Variants in SHANK2 observed in about 807,000 individuals in gnomAD.
The protein encoded by SHANK2 is SH3 and multiple ankyrin repeat domains 2.
A neutral mutation model predicts 133.7 loss-of-function variants in SHANK2; 43 were observed. That is an observed-to-expected ratio of 0.32 (90% CI 0.25 to 0.41). SHANK2 has a LOEUF of 0.41. Ranked by LOEUF, SHANK2 falls within the 10% of genes least tolerant of loss-of-function variation. The pLI is 1.00. For synonymous variants in SHANK2, 1,017 were observed against 952.8 expected, an observed-to-expected ratio of 1.07 and a Z score of -1.24; for missense variants, 1,994 against 2,235.8, an observed-to-expected ratio of 0.89 and a Z score of 2.18.
chr11:70,539,189 G>A (rs889544490), intron 17 of SHANK2, among the ~76,000 whole-genome samples: 2 of 152,190 alleles, frequency 1.3e-5, no homozygotes, highest in Non-Finnish European at 2.9e-5. Context: ...GGATGGCAGA[G>A]CGTGCACGGC....
chr11:70,931,151 C>A (rs1555082436), intron 10 of SHANK2, among the ~76,000 whole-genome samples: 2 of 152,152 alleles, frequency 1.3e-5, no homozygotes, highest in African/African-American at 4.8e-5. Flanking sequence ...ATTCACATGA[C>A]ATGTCCAGAA....
chr11:70,698,352 G>T (rs1945442600), intron 15 of SHANK2: 1 of 358,026 alleles, frequency 2.8e-6, no homozygotes, highest in East Asian at 5.7e-5. Flanking sequence ...TCCCCCGGGG[G>T]ATGCTGCTGC....
intron 17 of SHANK2, among the ~76,000 whole-genome samples, chr11:70,645,823 T>C (rs1555008045): frequency 6.6e-6 from 1 of 151,168 alleles, no homozygotes; most frequent in Non-Finnish European, 1.5e-5. Context: ...TCTGACCCCC[T>C]GCCCTGCCAC....
intron 25 of SHANK2, among the ~76,000 whole-genome samples, chr11:70,481,840 C>T (rs1235255603): frequency 3.3e-5 from 5 of 152,250 alleles, no homozygotes; most frequent in Non-Finnish European, 5.9e-5. Flanking sequence ...ATCAAATGCC[C>T]AGGGCCCATC....
chr11:70,802,512 T>C (rs1178670872), intron 13 of SHANK2, among the ~76,000 whole-genome samples: 14 of 152,188 alleles, frequency 9.2e-5, no homozygotes, highest in Admixed American at 8.5e-4. Flanking sequence ...GACCCAGTGT[T>C]TCTCCTGTTC....
chr11:70,900,962 T>C (rs1555076615), intron 10 of SHANK2, among the ~76,000 whole-genome samples: 1 of 152,140 alleles, frequency 6.6e-6, no homozygotes, highest in Non-Finnish European at 1.5e-5. Flanking sequence ...TCTCTGTGGC[T>C]GCAGGTGTGC....
intron 17 of SHANK2, among the ~76,000 whole-genome samples, chr11:70,601,199 A>G (rs1365908814): frequency 6.7e-6 from 1 of 148,698 alleles, no homozygotes; most frequent in Non-Finnish European, 1.5e-5. Flanking sequence ...CTATAGGTGC[A>G]TGCAACCACG....
chr11:70,536,933 C>T (rs1436896465), intron 17 of SHANK2, among the ~76,000 whole-genome samples: 1 of 152,154 alleles, frequency 6.6e-6, no homozygotes, highest in African/African-American at 2.4e-5. Context: ...GGGGTGAGGA[C>T]AGAGCAGAGG....
At chr11:70,664,111 GCTCTACTGC>G (rs1555014243) in intron 15 of SHANK2, among the ~76,000 whole-genome samples, 1 of 152,168 alleles carries the variant, frequency 6.6e-6, no homozygotes, top group Non-Finnish European at 1.5e-5. Flanking sequence ...GAGAGCTGGG[GCTCTACTGC>G]CATGGATTTA....
chr11:71,175,701 T>G lies in SHANK2; in HGVS notation c.-12-28363A>C, dbSNP rs1338525245. ...CCAAAATATATCCAAACCACCAAAA[T>G]ATGTAAAAAGAAAAATAACATATAT... On this transcript the variant is annotated intron_variant, in intron 2 of 25. Transcript: ENST00000601538. The surrounding 1 kb of genome is among the most constrained non-coding windows in gnomAD (Gnocchi z 4.2). Among the ~76,000 whole-genome samples, 1 of 151,782 alleles carries G rather than the reference T, an allele frequency of 6.6e-6. No individual in the cohort carries two copies. Among genetic ancestry groups the G allele is most frequent in the Non-Finnish European group, 1.5e-5 (1 of 67,980 alleles).
intron 17 of SHANK2, among the ~76,000 whole-genome samples, chr11:70,638,204 G>A (rs1449906042): frequency 7.9e-5 from 12 of 152,236 alleles, no homozygotes; most frequent in African/African-American, 2.9e-4. Flanking sequence ...AGTCCGGGGG[G>A]AACAGGCTCG....
chr11:70,848,144 C>T (rs1435269760), intron 11 of SHANK2, among the ~76,000 whole-genome samples: 1 of 152,250 alleles, frequency 6.6e-6, no homozygotes, highest in Non-Finnish European at 1.5e-5. Context: ...CTCAGGACAG[C>T]CTTCTCTCCA....
chr11:70,632,878 C>T (rs2061015907), intron 17 of SHANK2, among the ~76,000 whole-genome samples: 1 of 152,166 alleles, frequency 6.6e-6, no homozygotes, highest in African/African-American at 2.4e-5. Flanking sequence ...CATCATTCAG[C>T]AAGATGAGGG....
chr11:70,524,905 C>T (rs782478317), intron 17 of SHANK2, among the ~76,000 whole-genome samples: 8 of 152,340 alleles, frequency 5.3e-5, no homozygotes, highest in Middle Eastern at 6.8e-3. Context: ...CACACAGGCA[C>T]GAGGCTTGGC....
At chr11:71,179,328 C>G (rs553143366) in intron 2 of SHANK2, among the ~76,000 whole-genome samples, 3 of 152,186 alleles carry the variant, frequency 2.0e-5, no homozygotes, top group African/African-American at 7.2e-5. Context: ...AGCATACTAA[C>G]AAACCATATT....
intron 15 of SHANK2, chr11:70,661,945 A>C: frequency 3.8e-6 from 3 of 793,412 alleles, no homozygotes; most frequent in Non-Finnish European, 4.1e-6. Flanking sequence ...GGAGTCATAC[A>C]TGGTGGGGCG....
At position 70,569,763 on chromosome 11, in the gene SHANK2, T is replaced by C. The variant is rs140453926; in HGVS notation, c.2062-66832A>G. ...TCTACATCTACTGGGGAAGATGCTC[T>C]CCTGTCCCTGGGGGGCTGTGATGCT... On this transcript the variant is annotated intron_variant, in intron 17 of 25. Coordinates refer to ENST00000601538, the MANE Select transcript of SHANK2 (RefSeq NM_012309.5). The surrounding 1 kb of genome is among the most constrained non-coding windows in gnomAD (Gnocchi z 5.1). Among the ~76,000 whole-genome samples the C allele has an allele frequency of 5.9e-4, 90 of 152,162 alleles. No homozygotes were observed. The East Asian group carries it at 0.017, about 29-fold the overall frequency.
chr11:71,154,574 AG>A (rs1479014473), intron 2 of SHANK2, among the ~76,000 whole-genome samples: 1 of 152,246 alleles, frequency 6.6e-6, no homozygotes, highest in Non-Finnish European at 1.5e-5. Context: ...GCCCTGGCCA[AG>A]GGGGTGGACT....
intron 15 of SHANK2, among the ~76,000 whole-genome samples, chr11:70,666,115 G>A (rs1283527544): frequency 6.6e-6 from 1 of 152,152 alleles, no homozygotes; most frequent in Non-Finnish European, 1.5e-5. Context: ...ACAGGGTTTC[G>A]AGTAAAAAGG....
Sources: allele counts gnomAD v4.1 joint callset (sites outside exome capture counted in the v4.1 genomes callset), GRCh38; gene constraint gnomAD v4.1.1; non-coding constraint Gnocchi (gnomAD v3.1); transcripts MANE v1.5; gene names NCBI Gene and HGNC (gene_info 2026-07-23, HGNC 2026-07-21).